Variants in YAP1 observed in about 807,000 individuals in gnomAD.
The protein encoded by YAP1 is Yes1 associated transcriptional regulator, also known as transcriptional coactivator YAP1.
YAP1 carries 5 observed loss-of-function variants against 56.9 expected under a neutral mutation model. The observed-to-expected ratio is 0.09, with a 90% CI of 0.05 to 0.18. YAP1 has a LOEUF of 0.18. Among genes scored for constraint, YAP1 ranks in the 10% least tolerant of loss-of-function variants. The probability of loss-of-function intolerance (pLI) is 1.00; values close to 1 mark genes in which losing one functional copy is unlikely to be tolerated. For synonymous variants in YAP1, 265 were observed against 248.1 expected, an observed-to-expected ratio of 1.07 and a Z score of -0.64; for missense variants, 539 against 651.8, an observed-to-expected ratio of 0.83 and a Z score of 1.88.
chr11:102,182,567 T>G (rs1210067095), intron 3 of YAP1, among the ~76,000 whole-genome samples: 1 of 152,234 alleles, frequency 6.6e-6, no homozygotes, highest in Non-Finnish European at 1.5e-5. Flanking sequence ...AGTCACTGAA[T>G]TTCTTCTAAG....
At chr11:102,144,349 A>G (rs1945196891) in intron 2 of YAP1, among the ~76,000 whole-genome samples, 1 of 152,192 alleles carries the variant, frequency 6.6e-6, no homozygotes. Context: ...CAATTGTATT[A>G]TTTAAATTGG....
At chr11:102,174,212 T>C (rs1947094114) in intron 3 of YAP1, among the ~76,000 whole-genome samples, 1 of 152,190 alleles carries the variant, frequency 6.6e-6, no homozygotes, top group South Asian at 2.1e-4. Context: ...CTTTACTGAG[T>C]ACCTAAATAC....
chr11:102,179,127 G>A (rs1403420586), intron 3 of YAP1, among the ~76,000 whole-genome samples: 2 of 151,310 alleles, frequency 1.3e-5, no homozygotes, highest in Non-Finnish European at 2.9e-5. Flanking sequence ...AATTTGGAGG[G>A]GACAAACATC....
intron 1 of YAP1, among the ~76,000 whole-genome samples, chr11:102,111,590 C>G (rs1178988986): frequency 1.3e-5 from 2 of 150,860 alleles, no homozygotes; most frequent in Non-Finnish European, 3.0e-5. Context: ...CCTTCGCTCC[C>G]GCCGGGCCGG....
At position 102,178,445 on chromosome 11, in the gene YAP1, A is replaced by T. The variant is rs922992491; in HGVS notation, c.689-7573A>T. ...TAGTTAATCAGGATTTTCCTGTTTG[A>T]ATAGACATGGCAAATGGTTTTAGTT... On this transcript the variant is annotated intron_variant, in intron 3 of 8. Transcript: ENST00000282441. Among the ~76,000 whole-genome samples, 4 of 152,332 alleles carry T rather than the reference A, an allele frequency of 2.6e-5. No homozygotes were observed. The South Asian group carries it at 8.3e-4, about 32-fold the overall frequency.
At chr11:102,220,545 T>G (rs568933727) in intron 6 of YAP1, among the ~76,000 whole-genome samples, 1 of 152,218 alleles carries the variant, frequency 6.6e-6, no homozygotes, top group Admixed American at 6.5e-5. Context: ...ATCTAAAAGG[T>G]GCTTATGCTG....
At chr11:102,225,519 A>G (rs574176432) in intron 7 of YAP1, among the ~76,000 whole-genome samples, 1 of 152,264 alleles carries the variant, frequency 6.6e-6, no homozygotes, top group African/African-American at 2.4e-5. Context: ...AAACCTCTTG[A>G]TGGTTTTTCC....
chr11:102,140,952 G>C (rs969168037), intron 2 of YAP1, among the ~76,000 whole-genome samples: 2 of 152,122 alleles, frequency 1.3e-5, no homozygotes, highest in South Asian at 4.1e-4. Flanking sequence ...AAATTTTCTA[G>C]TTCTGTTACA....
chr11:102,128,203 G>A (rs915015354), intron 2 of YAP1, among the ~76,000 whole-genome samples: 1 of 152,218 alleles, frequency 6.6e-6, no homozygotes, highest in Middle Eastern at 3.4e-3. Flanking sequence ...AGGGGCCAAC[G>A]GCAGCATGAT....
At chr11:102,124,689 C>G (rs1056795965) in intron 2 of YAP1, among the ~76,000 whole-genome samples, 12 of 152,058 alleles carry the variant, frequency 7.9e-5, no homozygotes, top group Non-Finnish European at 1.6e-4. Context: ...TGGGAGATCC[C>G]TTCAACTTTA....
chr11:102,193,837 A>T (rs7105043), intron 4 of YAP1, among the ~76,000 whole-genome samples: 139,222 of 151,232 alleles, frequency 0.92, 65,138 homozygotes, highest in East Asian at 1. Flanking sequence ...TTTTTGTTTG[A>T]TTTTTGTTTT....
intron 2 of YAP1, among the ~76,000 whole-genome samples, chr11:102,124,096 C>T (rs183886404): frequency 3.3e-5 from 5 of 151,862 alleles, no homozygotes; most frequent in East Asian, 3.9e-4. Flanking sequence ...GGATTACAGG[C>T]GTGTGCCACC....
chr11:102,139,264 T>C (rs1206368429), intron 2 of YAP1, among the ~76,000 whole-genome samples: 1 of 152,120 alleles, frequency 6.6e-6, no homozygotes, highest in Non-Finnish European at 1.5e-5. Flanking sequence ...TCCTCCATTT[T>C]TGGTAGTGGA....
At chr11:102,209,002 C>T (rs1949259823) in intron 5 of YAP1, among the ~76,000 whole-genome samples, 1 of 152,152 alleles carries the variant, frequency 6.6e-6, no homozygotes, top group Non-Finnish European at 1.5e-5. Flanking sequence ...GCTTCACTTC[C>T]TTTAAAGGTA....
At chr11:102,202,334 ATT>A (rs34528413) in intron 4 of YAP1, among the ~76,000 whole-genome samples, 7 of 130,970 alleles carry the variant, frequency 5.3e-5, no homozygotes, top group East Asian at 2.2e-4. Flanking sequence ...CACCTGGCTA[ATT>A]TTTTTTTTTT....
At chr11:102,167,770 G>T (rs116458635) in intron 3 of YAP1, among the ~76,000 whole-genome samples, 1 of 152,144 alleles carries the variant, frequency 6.6e-6, no homozygotes, top group Non-Finnish European at 1.5e-5. Flanking sequence ...GGGTGTGGTC[G>T]TTCATGCCTA....
At chr11:102,210,182 A>G (rs572781053) in intron 6 of YAP1, among the ~76,000 whole-genome samples, 2 of 152,298 alleles carry the variant, frequency 1.3e-5, no homozygotes, top group African/African-American at 4.8e-5. Flanking sequence ...TTTTTCTTCT[A>G]ACACAGGCAC....
intron 4 of YAP1, among the ~76,000 whole-genome samples, chr11:102,204,645 T>C (rs1033896515): frequency 1.2e-4 from 18 of 152,182 alleles, no homozygotes; most frequent in Non-Finnish European, 1.9e-4. Flanking sequence ...ATGGGACACA[T>C]TAAAAATCAC....
intron 3 of YAP1, among the ~76,000 whole-genome samples, chr11:102,178,849 C>T (rs1204442017): frequency 6.6e-6 from 1 of 152,244 alleles, no homozygotes; most frequent in South Asian, 2.1e-4. Context: ...AAGCATGGTG[C>T]CAGCGTCTGC....
Sources: allele counts gnomAD v4.1 joint callset (sites outside exome capture counted in the v4.1 genomes callset), GRCh38; gene constraint gnomAD v4.1.1; transcripts MANE v1.5; gene names NCBI Gene and HGNC (gene_info 2026-07-23, HGNC 2026-07-21).